The following ZPBP variants were observed in gnomAD, a reference collection of about 807,000 sequenced individuals.
ZPBP encodes zona pellucida binding protein, also known as zona pellucida-binding protein 1.
In ZPBP, 26 loss-of-function variants were observed where a neutral mutation model predicts 44.8. The observed-to-expected ratio is 0.58, with a 90% CI of 0.43 to 0.81. The LOEUF is 0.81. Ranked by LOEUF, ZPBP falls within the 30% of genes least tolerant of loss-of-function variation. The pLI is 0.00. For missense variants in ZPBP, 409 were observed against 434.0 expected (o/e 0.94, Z 0.51); for synonymous variants, 174 against 153.2 (o/e 1.14, Z -1.00).
intron 2 of ZPBP, among the ~76,000 whole-genome samples, chr7:49,869,213 C>A (rs1434581900): frequency 6.6e-6 from 1 of 151,962 alleles, no homozygotes; most frequent in Non-Finnish European, 1.5e-5. Context: ...GGAGAAGAGG[C>A]AGACATTGAC....
At position 49,901,688 on chromosome 7, in the gene ZPBP, G is replaced by A. The variant is rs115175641; in HGVS notation, n.412-473C>T. On this transcript the variant is annotated intron_variant and non_coding_transcript_variant, in intron 1 of 2. Coordinates refer to the ZPBP transcript ENST00000465922. ...GAAGCAATTTTATAGTTATCAAAAC[G>A]GATCCTGTTTTATCTGGAGGGGCAA... 1.8e-3 allele frequency among the ~76,000 whole-genome samples: 273 copies of A among 151,830 alleles called. 1 individual carries two copies. Among genetic ancestry groups the A allele is most frequent in the African/African-American group, 6.3e-3 (260 of 41,472 alleles).
chr7:49,920,239 C>T (rs1318684942), intron 1 of ZPBP: 2 of 151,938 alleles, frequency 1.3e-5, no homozygotes, highest in African/African-American at 2.4e-5. Context: ...CATTTTAATA[C>T]ACGATGAATC....
chr7:49,982,260 T>C (rs1266091219), intron 7 of ZPBP, among the ~76,000 whole-genome samples: 6 of 110,792 alleles, frequency 5.4e-5, no homozygotes, highest in African/African-American at 2.1e-4. Flanking sequence ...ATATTTATAT[T>C]ATATATTATA....
At chr7:49,983,713 T>C (rs1414354547) in intron 6 of ZPBP, among the ~76,000 whole-genome samples, 194 bp from the exon 7 acceptor site, 1 of 152,124 alleles carries the variant, frequency 6.6e-6, no homozygotes, top group Non-Finnish European at 1.5e-5. Context: ...TATTTCTAAA[T>C]GCACTTCCAA....
intron 5 of ZPBP, among the ~76,000 whole-genome samples, chr7:50,021,921 CAGAG>C (rs1799117386): frequency 5.3e-5 from 8 of 152,048 alleles, no homozygotes; most frequent in Admixed American, 5.2e-4. Flanking sequence ...AAATCAAAGA[CAGAG>C]AGTCTTAAAA....
chr7:49,976,960 G>C (rs1019094856), intron 7 of ZPBP, among the ~76,000 whole-genome samples: 3 of 151,924 alleles, frequency 2.0e-5, no homozygotes, highest in Non-Finnish European at 4.4e-5. Context: ...AAATTACCCG[G>C]GCACGGTGGT....
At chr7:50,001,189 A>G (rs1412776429) in intron 6 of ZPBP, among the ~76,000 whole-genome samples, 1 of 152,200 alleles carries the variant, frequency 6.6e-6, no homozygotes, top group Non-Finnish European at 1.5e-5. Context: ...AAACTAATAA[A>G]CTAATCTTTC....
chr7:49,984,552 T>A (rs1423553064), intron 6 of ZPBP, among the ~76,000 whole-genome samples: 1 of 152,148 alleles, frequency 6.6e-6, no homozygotes, highest in Non-Finnish European at 1.5e-5. Flanking sequence ...AAGATTCTCA[T>A]AAGGAGCGTG....
chr7:50,027,435 T>C (rs987973004), intron 5 of ZPBP, among the ~76,000 whole-genome samples: 13 of 151,900 alleles, frequency 8.6e-5, no homozygotes, highest in African/African-American at 3.1e-4. Context: ...AAAATGAAAA[T>C]ACAACCTACC....
intron 1 of ZPBP, 66 bp from the exon 2 acceptor site, chr7:50,089,775 C>T: frequency 4.8e-6 from 6 of 1,260,142 alleles, no homozygotes; most frequent in Non-Finnish European, 6.8e-6. Context: ...TATACTATTA[C>T]AGTATCTTTG....
chr7:50,011,507 C>A (rs1798582273), intron 6 of ZPBP, among the ~76,000 whole-genome samples: 1 of 152,184 alleles, frequency 6.6e-6, no homozygotes, highest in Non-Finnish European at 1.5e-5. Flanking sequence ...CAGAGATGAT[C>A]TGAACAACAC....
rs1438258360 is a variant in ZPBP at position 49,974,823 on chromosome 7, G to A, written c.961+8519C>T. 4.6e-5 allele frequency among the ~76,000 whole-genome samples: 7 copies of A among 152,254 alleles called. No individual in the cohort carries two copies. In the South Asian group the frequency reaches 1.4e-3, roughly 31 times the overall value. ...CTTTCTAACAAGACTTTAAGACAAA[G>A]GAATAAAATAGCACCAGATCTGATG... is the stretch of plus-strand genomic sequence containing the variant. On this transcript the variant is annotated intron_variant, in intron 7 of 7. Coordinates refer to ENST00000046087, the MANE Select transcript of ZPBP (RefSeq NM_007009.3).
intron 7 of ZPBP, among the ~76,000 whole-genome samples, chr7:49,978,386 T>A (rs1796625699): frequency 6.6e-6 from 1 of 152,000 alleles, no homozygotes; most frequent in South Asian, 2.1e-4. Flanking sequence ...AGCTTTTCAG[T>A]ATAAATTAAT....
chr7:50,025,407 G>C lies in ZPBP; in HGVS notation c.706+5685C>G, dbSNP rs1799277151. 2.0e-5 allele frequency among the ~76,000 whole-genome samples: 3 copies of C among 151,788 alleles called. No individual in the cohort carries two copies. The South Asian group carries it at 6.2e-4, about 31-fold the overall frequency. On this transcript the variant is annotated intron_variant, in intron 5 of 7. Coordinates refer to ENST00000046087, the MANE Select transcript of ZPBP (RefSeq NM_007009.3). ...CTTACTATAAAACTACAGAATTCAA[G>C]ATAGTATAGTACTGATGAAAGAACA... is the stretch of plus-strand genomic sequence containing the variant.
intron 7 of ZPBP, among the ~76,000 whole-genome samples, chr7:49,944,866 T>C (rs1795036408): frequency 6.6e-6 from 1 of 151,278 alleles, no homozygotes; most frequent in South Asian, 2.1e-4. Context: ...ATTTCTGCTC[T>C]GATCTTTATT....
chr7:50,028,283 TTA>T (rs1491415100), intron 5 of ZPBP, among the ~76,000 whole-genome samples: 2 of 58,032 alleles, frequency 3.4e-5, no homozygotes, highest in Non-Finnish European at 7.8e-5. Context: ...AGGGTGAAAA[TTA>T]AAAAAAAAAC....
chr7:50,059,538 CT>C, intron 3 of ZPBP, among the ~76,000 whole-genome samples: 1 of 152,188 alleles, frequency 6.6e-6, no homozygotes, highest in South Asian at 2.1e-4. Flanking sequence ...CATGCCAAGT[CT>C]TTTATAAACG....
intron 7 of ZPBP, among the ~76,000 whole-genome samples, chr7:49,975,025 G>T (rs1796446568): frequency 6.6e-6 from 1 of 152,072 alleles, no homozygotes; most frequent in Non-Finnish European, 1.5e-5. Context: ...TCCCTCCCAT[G>T]CCCTGACATT....
intron 1 of ZPBP, among the ~76,000 whole-genome samples, chr7:49,906,721 A>G (rs999180193): frequency 6.6e-6 from 1 of 152,210 alleles, no homozygotes; most frequent in Non-Finnish European, 1.5e-5. Flanking sequence ...GTGGGGGACA[A>G]ACATCTGAAG....
Sources: gnomAD v4.1 joint callset for allele counts (sites outside exome capture counted in the v4.1 genomes callset) on GRCh38, gnomAD v4.1.1 for gene constraint, MANE v1.5 for transcripts, NCBI Gene and HGNC (gene_info 2026-07-23, HGNC 2026-07-21) for gene names.